Variants in MIPEP observed in about 807,000 individuals in gnomAD.
MIPEP encodes the protein mitochondrial intermediate peptidase.
MIPEP carries 79 observed loss-of-function variants against 90.3 expected under a neutral mutation model. The observed-to-expected ratio is 0.87, with a 90% CI of 0.73 to 1.05. MIPEP has a LOEUF of 1.05. Among genes scored for constraint, MIPEP ranks in the 50% least tolerant of loss-of-function variants. The pLI is 0.00. For missense variants in MIPEP, 940 were observed against 905.6 expected, an observed-to-expected ratio of 1.04 and a Z score of -0.49; for synonymous variants, 334 against 315.8, an observed-to-expected ratio of 1.06 and a Z score of -0.61.
intron 4 of MIPEP, among the ~76,000 whole-genome samples, chr13:23,877,333 C>T (rs190314750): frequency 3.4e-4 from 51 of 152,238 alleles, no homozygotes; most frequent in African/African-American, 9.1e-4. Context: ...GTGTATGTTG[C>T]GGTTCTGCAC....
intron 7 of MIPEP, among the ~76,000 whole-genome samples, chr13:23,865,723 G>A (rs1267281711): frequency 6.7e-6 from 1 of 149,570 alleles, no homozygotes; most frequent in Admixed American, 6.7e-5. Flanking sequence ...AGGCTGGAGT[G>A]CAGAAGTCCC....
At chr13:23,888,250 G>A (rs1871601117) in intron 1 of MIPEP, 4 of 253,774 alleles carry the variant, frequency 1.6e-5, no homozygotes, top group Non-Finnish European at 3.1e-5. Flanking sequence ...CTTAAGGAAG[G>A]TGGTGTAGCA....
rs1239243772 is a variant in MIPEP, at chr13:23,837,562, T to G, written c.1533A>C (p.Gln511His). Residue 511 changes from glutamine to histidine, a missense_variant, in exon 13 of 19, where the codon CAA becomes CAC. Gln to His is a conservative substitution (Grantham distance 24). Transcript: ENST00000382172. ...CTCCTCATGGCTCACCAGTGACGTGTTGGTAACGAGTACGTCCTAGCATTG... is the reference window on the plus strand; with the variant it reads ...CTCCTCATGGCTCACCAGTGACGTGGTGGTAACGAGTACGTCCTAGCATTG... ...MHSMLGRTRY[Q>H]HVTGTRCPTD... is the part of the protein sequence containing the mutation. The G allele has an allele frequency of 1.2e-6, 2 of 1,610,766 alleles. No individual in the cohort carries two copies. The highest frequency in any genetic ancestry group is 1.7e-6 in the Non-Finnish European group (2 of 1,177,054).
chr13:23,804,056 C>T (rs1953078839), intron 16 of MIPEP, among the ~76,000 whole-genome samples: 1 of 152,192 alleles, frequency 6.6e-6, no homozygotes, highest in Non-Finnish European at 1.5e-5. Flanking sequence ...ACGGACTTAG[C>T]ATCACCCTTC....
At chr13:23,733,583 G>C (rs1206405516) in intron 18 of MIPEP, among the ~76,000 whole-genome samples, 2 of 152,224 alleles carry the variant, frequency 1.3e-5, no homozygotes, top group Non-Finnish European at 2.9e-5. Context: ...TTGGGGACTA[G>C]AGGTGCAGAT....
At chr13:23,840,504 C>A (rs1869247461) in intron 11 of MIPEP, among the ~76,000 whole-genome samples, 1 of 152,140 alleles carries the variant, frequency 6.6e-6, no homozygotes, top group African/African-American at 2.4e-5. Context: ...ATAAATTTTT[C>A]TTTTTATTAT....
chr13:23,851,755 C>T (rs1444687529), intron 10 of MIPEP, among the ~76,000 whole-genome samples: 3 of 151,752 alleles, frequency 2.0e-5, no homozygotes, highest in Non-Finnish European at 2.9e-5. Flanking sequence ...AGTACAGTGG[C>T]ATGACCATAA....
At chr13:23,865,313 A>G (rs1870483812) in intron 7 of MIPEP, among the ~76,000 whole-genome samples, 1 of 152,204 alleles carries the variant, frequency 6.6e-6, no homozygotes, top group African/African-American at 2.4e-5. Flanking sequence ...CTTCAATTTA[A>G]GTTATCTCCT....
chr13:23,832,921 A>G (rs1467431199), intron 14 of MIPEP, among the ~76,000 whole-genome samples: 1 of 152,254 alleles, frequency 6.6e-6, no homozygotes, highest in African/African-American at 2.4e-5. Flanking sequence ...TGACAGCTGC[A>G]TGACACCTGC....
chr13:23,888,824 C>T, intron 1 of MIPEP: 1 of 927,010 alleles, frequency 1.1e-6, no homozygotes, highest in African/African-American at 1.7e-5. Context: ...ATGCAGAGGG[C>T]GGGTCCTGGC....
rs575348527 is a variant in MIPEP at position 23,808,955 on chromosome 13, G to C, written c.1728+895C>G. ...AAACAGGTAACTGAATCATCATAAAGTGAATACTGCCTAAGATGAAAGATG... is the reference window on the plus strand; with the variant it reads ...AAACAGGTAACTGAATCATCATAAACTGAATACTGCCTAAGATGAAAGATG... On this transcript the variant is annotated intron_variant, in intron 15 of 18. Transcript: ENST00000382172. Among the ~76,000 whole-genome samples, 3 of 152,300 alleles carry C rather than the reference G, an allele frequency of 2.0e-5. No homozygotes were observed. In the East Asian group the frequency reaches 5.8e-4, roughly 29 times the overall value.
chr13:23,805,873 G>T, intron 16 of MIPEP, 77 bp downstream of exon 16: 1 of 1,493,094 alleles, frequency 6.7e-7, no homozygotes, highest in South Asian at 1.3e-5. Context: ...TTCTCCAAAG[G>T]GGAAGATAAT....
At chr13:23,869,863 G>A (rs1870707310) in intron 6 of MIPEP, 150 bp downstream of exon 6, 2 of 488,514 alleles carry the variant, frequency 4.1e-6, no homozygotes, top group South Asian at 5.4e-5. Flanking sequence ...AAGTGTTTAT[G>A]GCATTAATAA....
intron 14 of MIPEP, among the ~76,000 whole-genome samples, chr13:23,825,773 A>AG (rs1868424405): frequency 6.6e-6 from 1 of 152,200 alleles, no homozygotes; most frequent in Non-Finnish European, 1.5e-5. Flanking sequence ...TAAGGTAGCC[A>AG]GGGTAAGGAA....
chr13:23,846,301 C>A (rs7318721), intron 10 of MIPEP, among the ~76,000 whole-genome samples: 32,469 of 151,984 alleles, frequency 0.21, 5,214 homozygotes, highest in African/African-American at 0.45. Context: ...GGGGGAATAG[C>A]TGCTATTAGT....
At chr13:23,793,903 C>T (rs183368491) in intron 16 of MIPEP, among the ~76,000 whole-genome samples, 5 of 152,078 alleles carry the variant, frequency 3.3e-5, no homozygotes, top group East Asian at 3.9e-4. Flanking sequence ...GACCAGACCA[C>T]GCAGGAACTT....
At chr13:23,859,809 AC>A (rs1300555300) in intron 9 of MIPEP, among the ~76,000 whole-genome samples, 1 of 152,218 alleles carries the variant, frequency 6.6e-6, no homozygotes, top group Non-Finnish European at 1.5e-5. Flanking sequence ...TCTCCTTATT[AC>A]CATTATCCTT....
chr13:23,889,261 G>C lies in MIPEP; in HGVS notation c.60C>G (p.Arg20=). The change falls in exon 1 of 19, where the codon CGC becomes CGG. Residue 20 remains arginine (R), a synonymous_variant. Transcript: ENST00000382172. ...CTTCGAGGCTTCCCCGGCCCGCCCG[G>C]CGGGGCGGCAGAGCTGCTGCTCTGG... ...LGARAAALPP[R]RAGRGSLEAG... 7.2e-7 allele frequency: 1 copy of C among 1,386,320 alleles called. No individual in the cohort carries two copies. The highest frequency in any genetic ancestry group is 9.3e-7 in the Non-Finnish European group (1 of 1,069,642). The allele number at this position is 1,386,320 out of a possible 1,614,324, so 85.9% of individuals were successfully genotyped here.
rs547203485 is a variant in MIPEP at position 23,837,772 on chromosome 13, A to G, written c.1339-16T>C. Reference sequence around the variant, plus strand: ...AATGGCAATCCTTTAAGAATCAGAAAACATAAAAGGAAAAGAAAGTATTTG... The same window carrying G: ...AATGGCAATCCTTTAAGAATCAGAAGACATAAAAGGAAAAGAAAGTATTTG... On this transcript the variant is annotated splice_polypyrimidine_tract_variant and intron_variant, in intron 12 of 18. Transcript: ENST00000382172. The G allele has an allele frequency of 6.3e-7, 1 of 1,585,316 alleles. No individual in the cohort carries two copies. Among genetic ancestry groups the G allele is most frequent in the African/African-American group, 1.3e-5 (1 of 74,438 alleles).
Sources: allele counts gnomAD v4.1 joint callset (sites outside exome capture counted in the v4.1 genomes callset), GRCh38; gene constraint gnomAD v4.1.1; transcripts MANE v1.5; gene names NCBI Gene and HGNC (gene_info 2026-07-23, HGNC 2026-07-21).